Variants in NRBP2 observed in about 807,000 individuals in gnomAD.
NRBP2 encodes the protein nuclear receptor binding protein 2, also known as nuclear receptor-binding protein 2.
Under a neutral mutation model 74.4 loss-of-function variants are expected in NRBP2, and 47 were observed. The observed-to-expected ratio is 0.63, with a 90% CI of 0.50 to 0.81. The LOEUF (loss-of-function observed/expected upper bound fraction) is 0.81. NRBP2 is among the 30% of genes least tolerant of loss of function. The pLI is 0.00. For synonymous variants in NRBP2, 312 were observed against 273.8 expected, an observed-to-expected ratio of 1.14 and a Z score of -1.38; for missense variants, 613 against 690.1, an observed-to-expected ratio of 0.89 and a Z score of 1.25.
chr8:143,837,321 C>G lies in NRBP2; in HGVS notation c.1077-22G>C. On this transcript the variant is annotated intron_variant, in intron 12 of 17. Coordinates refer to ENST00000442628, the MANE Select transcript of NRBP2 (RefSeq NM_178564.4). This position sits in a 1 kb window ranked among gnomAD's most constrained non-coding sequence, Gnocchi z 4.3. ...GTACCTGGCATGGAAGTGGGAGGCA[C>G]ATGAGGGGCTGGCCGGGGCGAGGGG... 6.3e-7 allele frequency: 1 copy of G among 1,575,394 alleles called. No individual in the cohort carries two copies. Among genetic ancestry groups the G allele is most frequent in the Non-Finnish European group, 8.6e-7 (1 of 1,161,646 alleles).
Position 143,837,368 on chromosome 8 carries a change from G to T in NRBP2, c.1076+39C>A, listed in dbSNP as rs12543058. ...GGGGAGGGGAGGTGCGGGGAGGGGA[G>T]GTGTGGGGAGGGGAGGCTTCTGGGT... is the stretch of plus-strand genomic sequence containing the variant. On this transcript the variant is annotated intron_variant, in intron 12 of 17. Transcript: ENST00000442628. The surrounding 1 kb of genome is among the most constrained non-coding windows in gnomAD (Gnocchi z 4.3). 1 of 1,528,840 alleles carries T rather than the reference G, an allele frequency of 6.5e-7. No individual in the cohort carries two copies. The highest frequency in any genetic ancestry group is 8.9e-7 in the Non-Finnish European group (1 of 1,123,266). 94.7% of individuals were successfully genotyped at this position (1,528,840 alleles called of 1,614,324 possible).
chr8:143,835,501 C>A lies in NRBP2; in HGVS notation c.*161G>T, dbSNP rs1554651220. On this transcript the variant is annotated 3_prime_UTR_variant, in exon 18 of 18. Transcript: ENST00000442628. This position sits in a 1 kb window ranked among gnomAD's most constrained non-coding sequence, Gnocchi z 4.9. ...CCCCCCAACCCCTCGGCGCCCAAGG[C>A]AGGGTCAGCCCCACTCTCAGGAGAC... 2 of 703,562 alleles carry A rather than the reference C, an allele frequency of 2.8e-6. No individual in the cohort carries two copies. Among genetic ancestry groups the A allele is most frequent in the Admixed American group, 5.0e-5 (2 of 40,358 alleles). The allele number at this position is 703,562 out of a possible 1,614,324, so 43.6% of individuals were successfully genotyped here.
chr8:143,834,920 C>T lies in NRBP2; in HGVS notation c.*742G>A, dbSNP rs1818293873. Reference sequence around the variant, plus strand: ...GAGGAGCAGGGAGGATGTGGGGTCCCTGACGCCTCCAGGCCAGGGAATGCA... The same window carrying T: ...GAGGAGCAGGGAGGATGTGGGGTCCTTGACGCCTCCAGGCCAGGGAATGCA... On this transcript the variant is annotated 3_prime_UTR_variant, in exon 18 of 18. Transcript: ENST00000442628. 6.6e-6 allele frequency: 1 copy of T among 152,308 alleles called. No individual in the cohort carries two copies. Among genetic ancestry groups the T allele is most frequent in the Admixed American group, 6.5e-5 (1 of 15,268 alleles). 9.4% of individuals were successfully genotyped at this position (152,308 alleles called of 1,614,324 possible). A position where few individuals can be genotyped will look rare whatever the true frequency, so the allele number is the denominator to read the frequency against.
At position 143,835,481 on chromosome 8, in the gene NRBP2, C is replaced by A. The variant is rs782410922; in HGVS notation, c.*181G>T. ...TAACGGCTCCCCCACACCCACCCCCCAACCCCTCGGCGCCCAAGGCAGGGT... is the reference window on the plus strand; with the variant it reads ...TAACGGCTCCCCCACACCCACCCCCAAACCCCTCGGCGCCCAAGGCAGGGT... On this transcript the variant is annotated 3_prime_UTR_variant, in exon 18 of 18. Transcript: ENST00000442628. The surrounding 1 kb of genome is among the most constrained non-coding windows in gnomAD (Gnocchi z 4.9). The A allele has an allele frequency of 7.2e-5, 49 of 678,844 alleles. No individual in the cohort carries two copies. The South Asian group carries it at 7.7e-4, about 11-fold the overall frequency. The allele number at this position is 678,844 out of a possible 1,614,324, so 42.1% of individuals were successfully genotyped here.
At chr8:143,836,088 C>A (rs750323978) in intron 15 of NRBP2, 39 bp downstream of exon 15, 8 of 1,591,266 alleles carry the variant, frequency 5.0e-6, no homozygotes, top group Non-Finnish European at 6.8e-6. Context: ...ACGCTCCCGC[C>A]TTCCCCACGG....
At chr8:143,838,031 C>T (rs574659042) in intron 10 of NRBP2, 2 of 675,912 alleles carry the variant, frequency 3.0e-6, no homozygotes, top group East Asian at 2.8e-5. Context: ...TAAAGTCACA[C>T]CTGCAAGCCT....
chr8:143,838,458 C>G (rs896333623), intron 10 of NRBP2, among the ~76,000 whole-genome samples: 1 of 152,244 alleles, frequency 6.6e-6, no homozygotes, highest in Admixed American at 6.5e-5. Flanking sequence ...GAGGGAGGGT[C>G]TCTCTTGCCT....
In NRBP2 at chr8:143,840,883, C is replaced by T. The variant is rs1435899017; in HGVS notation, c.-49G>A. On this transcript the variant is annotated 5_prime_UTR_variant, in exon 1 of 18. Transcript: ENST00000442628. This position sits in a 1 kb window ranked among gnomAD's most constrained non-coding sequence, Gnocchi z 5.7. ...CCCTCTGCGCGATCCGCCGCCGGCGCAGCCTCTCCCGGCCCGCCCTGGCCT... is the reference window on the plus strand; with the variant it reads ...CCCTCTGCGCGATCCGCCGCCGGCGTAGCCTCTCCCGGCCCGCCCTGGCCT... The T allele has an allele frequency of 3.5e-5, 44 of 1,273,980 alleles. No individual in the cohort carries two copies. Among genetic ancestry groups the T allele is most frequent in the Non-Finnish European group, 4.1e-5 (42 of 1,017,148 alleles). The allele number at this position is 1,273,980 out of a possible 1,614,324, so 78.9% of individuals were successfully genotyped here. A position where few individuals can be genotyped will look rare whatever the true frequency, so the allele number is the denominator to read the frequency against.
chr8:143,840,966 C>T lies in NRBP2; in HGVS notation c.-132G>A. ...GCAGCCTAGAGCCCCAGCCCCGGCT[C>T]TGGGAATTGGGAGGCGCGGGCGCGC... is the stretch of plus-strand genomic sequence containing the variant. On this transcript the variant is annotated 5_prime_UTR_variant, in exon 1 of 18. Coordinates refer to ENST00000442628, the MANE Select transcript of NRBP2 (RefSeq NM_178564.4). The surrounding 1 kb of genome is among the most constrained non-coding windows in gnomAD (Gnocchi z 5.7). 2 of 1,122,732 alleles carry T rather than the reference C, an allele frequency of 1.8e-6. No homozygotes were observed. The highest frequency in any genetic ancestry group is 3.3e-5 in the African/African-American group (2 of 60,608). The allele number at this position is 1,122,732 out of a possible 1,614,324, so 69.5% of individuals were successfully genotyped here.
chr8:143,836,006 C>A lies in NRBP2; in HGVS notation c.1342G>T (p.Asp448Tyr). Residue 448 changes from aspartate (D) to tyrosine (Y), a missense_variant, in exon 16 of 18, where the codon GAC (aspartate) becomes TAC (tyrosine). By Grantham distance (160) the Asp-to-Tyr change is radical. This residue lies in a region of NRBP2 where 281 missense variants were observed against 260.9 expected (regional missense o/e 1.08). Transcript: ENST00000442628. ...TAGGTCAGCTGCCGGTGCAGCCGGT[C>A]TTCCAGCACCAGAAGCAGAGTGAGC... ...WHLTLLLVLE[D>Y]RLHRQLTYDL... 1.9e-6 allele frequency: 3 copies of A among 1,576,558 alleles called. No homozygotes were observed.
rs1554652861 is a variant in NRBP2, at chr8:143,839,153, C to T, written c.604+19G>A. ...CGGGGACCTCTCCAGGACCCCGTCC[C>T]CCCAAAGTCCGCACTTACCATTGGA... On this transcript the variant is annotated intron_variant, in intron 7 of 17. Coordinates refer to ENST00000442628, the MANE Select transcript of NRBP2 (RefSeq NM_178564.4). The surrounding 1 kb of genome is among the most constrained non-coding windows in gnomAD (Gnocchi z 5.1). The T allele has an allele frequency of 1.3e-6, 2 of 1,518,858 alleles. No homozygotes were observed. The highest frequency in any genetic ancestry group is 2.0e-5 in the Admixed American group (1 of 50,134). 94.1% of individuals were successfully genotyped at this position (1,518,858 alleles called of 1,614,324 possible).
At chr8:143,831,704 T>A (rs868950353), downstream of NRBP2, among the ~76,000 whole-genome samples, 1 of 152,154 alleles carries the variant, frequency 6.6e-6, no homozygotes, top group Non-Finnish European at 1.5e-5. Context: ...TCAGCAGAGA[T>A]AAATCAAGAA....
In NRBP2 at chr8:143,836,169, C is replaced by A; in HGVS notation, c.1275G>T (p.Met425Ile). The A allele has an allele frequency of 6.4e-7, 1 of 1,572,702 alleles. No homozygotes were observed. The highest frequency in any genetic ancestry group is 8.6e-7 in the Non-Finnish European group (1 of 1,165,132). ...CCTCGCTTCTCTCCAGGTTGCACTG[C>A]ATCTGGATGACCTGCAGCGGGGGAA... ...FDSETRKVIQMQCNLERSEDK... is the reference protein window; with the variant it reads ...FDSETRKVIQIQCNLERSEDK... The change falls in exon 15 of 18, where the codon ATG becomes ATT. Residue 425 changes from methionine to isoleucine, a missense_variant. Coordinates refer to ENST00000442628, the MANE Select transcript of NRBP2 (RefSeq NM_178564.4).
intron 10 of NRBP2, 38 bp downstream of exon 10, chr8:143,838,642 G>C (rs782559159): frequency 1.2e-5 from 18 of 1,496,840 alleles, no homozygotes; most frequent in Non-Finnish European, 1.7e-5. Context: ...AGCTGAGCAC[G>C]GTGAGCCAGC....
Position 143,839,129 on chromosome 8 carries a change from G to T in NRBP2, c.605-29C>A, listed in dbSNP as rs782702713. The T allele has an allele frequency of 6.6e-7, 1 of 1,512,146 alleles. No homozygotes were observed. The highest frequency in any genetic ancestry group is 1.2e-5 in the South Asian group (1 of 80,286). 93.7% of individuals were successfully genotyped at this position (1,512,146 alleles called of 1,614,324 possible). A position where few individuals can be genotyped will look rare whatever the true frequency, so the allele number is the denominator to read the frequency against. On this transcript the variant is annotated intron_variant, in intron 7 of 17. Transcript: ENST00000442628. This position sits in a 1 kb window ranked among gnomAD's most constrained non-coding sequence, Gnocchi z 5.1. ...TGGGAGGGCGCAGAGCTGAGCGGGC[G>T]GGGACCTCTCCAGGACCCCGTCCCC...
In NRBP2 at chr8:143,837,479, T is replaced by A. The variant is rs1554652214; in HGVS notation, c.1004A>T (p.Lys335Met). 6.2e-7 allele frequency: 1 copy of A among 1,611,288 alleles called. No homozygotes were observed. ...YLMPENVVEE[K>M]TKAMDLHAVL... ...CGCGTGCAGGTCCATGGCCTTGGTC[T>A]TCTCCTCCACCACATTCTCAGGCAT... Residue 335 changes from lysine (K) to methionine (M), a missense_variant, in exon 12 of 18, where the codon AAG becomes ATG. Physicochemically the swap from Lys to Met is moderately conservative, Grantham distance 95. This residue lies in a region of NRBP2 where 281 missense variants were observed against 260.9 expected (regional missense o/e 1.08). Coordinates refer to ENST00000442628, the MANE Select transcript of NRBP2 (RefSeq NM_178564.4). The surrounding 1 kb of genome is among the most constrained non-coding windows in gnomAD (Gnocchi z 4.3).
In NRBP2 at chr8:143,834,428, CAG is replaced by C. The variant is rs1330545221; in HGVS notation, c.*1232_*1233del. ...GCCAGCAGCCTGAAGGAGCAGGAGACAGAGTCTCCCCTAGAACCTCCAGGAAG... is the reference window on the plus strand; with the variant it reads ...GCCAGCAGCCTGAAGGAGCAGGAGACAGTCTCCCCTAGAACCTCCAGGAAG... On this transcript the variant is annotated 3_prime_UTR_variant, in exon 18 of 18. Coordinates refer to ENST00000442628, the MANE Select transcript of NRBP2 (RefSeq NM_178564.4). The C allele has an allele frequency of 1.3e-5, 2 of 152,238 alleles. No homozygotes were observed. The highest frequency in any genetic ancestry group is 4.8e-5 in the African/African-American group (2 of 41,456). 9.4% of individuals were successfully genotyped at this position (152,238 alleles called of 1,614,324 possible).
chr8:143,839,679 C>T lies in NRBP2; in HGVS notation c.444+57G>A. The stretch of plus-strand genomic sequence containing the variant: ...GGGCACCCCCTCACCATCCCAGTCC[C>T]CGAGGCTGCCCCAACCCCGTCCTGT... On this transcript the variant is annotated intron_variant, in intron 4 of 17. Transcript: ENST00000442628. This position sits in a 1 kb window ranked among gnomAD's most constrained non-coding sequence, Gnocchi z 5.1. The T allele has an allele frequency of 1.3e-6, 2 of 1,530,984 alleles. No homozygotes were observed. The highest frequency in any genetic ancestry group is 1.7e-6 in the Non-Finnish European group (2 of 1,143,766). The allele number at this position is 1,530,984 out of a possible 1,614,324, so 94.8% of individuals were successfully genotyped here.
rs1818293686 is a variant in NRBP2, at chr8:143,834,919, C to T, written c.*743G>A. On this transcript the variant is annotated 3_prime_UTR_variant, in exon 18 of 18. Transcript: ENST00000442628. ...TGAGGAGCAGGGAGGATGTGGGGTC[C>T]CTGACGCCTCCAGGCCAGGGAATGC... The T allele has an allele frequency of 6.6e-6, 1 of 152,256 alleles. No homozygotes were observed. The highest frequency in any genetic ancestry group is 1.5e-5 in the Non-Finnish European group (1 of 68,146). 9.4% of individuals were successfully genotyped at this position (152,256 alleles called of 1,614,324 possible). A position where few individuals can be genotyped will look rare whatever the true frequency, so the allele number is the denominator to read the frequency against.
Sources: gnomAD v4.1 joint callset for allele counts (sites outside exome capture counted in the v4.1 genomes callset) on GRCh38, gnomAD v4.1.1 for gene constraint, gnomAD v4.1.1 regional missense constraint, Gnocchi (gnomAD v3.1) non-coding constraint, MANE v1.5 for transcripts, NCBI Gene and HGNC (gene_info 2026-07-23, HGNC 2026-07-21) for gene names.